Variants in NHSL1 observed in about 807,000 individuals in gnomAD.
The protein encoded by NHSL1 is NHS like 1.
NHSL1 carries 48 observed loss-of-function variants against 95.0 expected under a neutral mutation model. That is an observed-to-expected ratio of 0.51 (90% CI 0.40 to 0.64). NHSL1 has a LOEUF of 0.64. NHSL1 is among the 30% of genes least tolerant of loss of function. NHSL1 has a pLI of 0.00. For missense variants in NHSL1, 1,971 were observed against 2,077.7 expected (o/e 0.95, Z 1.00); for synonymous variants, 783 against 833.9 (o/e 0.94, Z 1.05).
intron 1 of NHSL1, among the ~76,000 whole-genome samples, chr6:138,533,656 C>T (rs1460072618): frequency 6.6e-6 from 1 of 152,086 alleles, no homozygotes; most frequent in Non-Finnish European, 1.5e-5. Flanking sequence ...GATCAATTGC[C>T]CATTCATGGG....
chr6:138,645,741 T>C (rs1416434129), intron 1 of NHSL1, among the ~76,000 whole-genome samples: 1 of 152,066 alleles, frequency 6.6e-6, no homozygotes, highest in Non-Finnish European at 1.5e-5. Context: ...TTCCTGACCT[T>C]GTGATCTACT....
At chr6:138,461,807 T>C (rs1425587828) in intron 3 of NHSL1, among the ~76,000 whole-genome samples, 1 of 152,126 alleles carries the variant, frequency 6.6e-6, no homozygotes, top group South Asian at 2.1e-4. Context: ...TTCTTCAAGA[T>C]GAAAGAAAAT....
At chr6:138,619,080 A>G (rs1057069598) in intron 1 of NHSL1, among the ~76,000 whole-genome samples, 6 of 152,176 alleles carry the variant, frequency 3.9e-5, no homozygotes, top group African/African-American at 1.4e-4. Flanking sequence ...GCTCACGCTT[A>G]TAATCCCAGC....
chr6:138,575,776 A>G (rs1265184703), upstream of NHSL1, among the ~76,000 whole-genome samples: 1 of 152,220 alleles, frequency 6.6e-6, no homozygotes, highest in African/African-American at 2.4e-5. Context: ...AAGCTACTAT[A>G]TTCACTCAAG....
At chr6:138,682,402 G>T (rs1785523841) in intron 1 of NHSL1, among the ~76,000 whole-genome samples, 1 of 152,162 alleles carries the variant, frequency 6.6e-6, no homozygotes, top group South Asian at 2.1e-4. Flanking sequence ...CATCATCCCA[G>T]AAACTTACAT....
At chr6:138,462,737 A>C (rs752566776) in intron 3 of NHSL1, among the ~76,000 whole-genome samples, 24 of 152,216 alleles carry the variant, frequency 1.6e-4, no homozygotes, top group Non-Finnish European at 3.1e-4. Flanking sequence ...TTTACAGTGA[A>C]ATATACCTTG....
chr6:138,428,493 G>A (rs1479083188), intron 7 of NHSL1, among the ~76,000 whole-genome samples: 3 of 152,186 alleles, frequency 2.0e-5, no homozygotes, highest in African/African-American at 7.2e-5. Flanking sequence ...TAATGAGACT[G>A]AAGAAACCAG....
At chr6:138,606,784 G>A (rs1784440071) in intron 1 of NHSL1, among the ~76,000 whole-genome samples, 1 of 145,966 alleles carries the variant, frequency 6.9e-6, no homozygotes, top group African/African-American at 2.5e-5. Context: ...CTCACTGCAA[G>A]CTCCGCCTCC....
chr6:138,629,857 C>T (rs1784793855), intron 1 of NHSL1, among the ~76,000 whole-genome samples: 1 of 152,130 alleles, frequency 6.6e-6, no homozygotes, highest in Non-Finnish European at 1.5e-5. Context: ...TTCTACAAAA[C>T]CAGGCTTCAT....
At chr6:138,477,914 T>C (rs1341519819) in intron 2 of NHSL1, among the ~76,000 whole-genome samples, 1 of 150,940 alleles carries the variant, frequency 6.6e-6, no homozygotes, top group East Asian at 1.9e-4. Flanking sequence ...GTTAAAAGCA[T>C]GAAAGACCAG....
intron 7 of NHSL1, among the ~76,000 whole-genome samples, chr6:138,428,595 A>C (rs893577219): frequency 3.9e-5 from 6 of 152,152 alleles, no homozygotes; most frequent in Admixed American, 2.0e-4. Flanking sequence ...ACATTAATTC[A>C]CCGGCTTCGT....
chr6:138,531,734 C>T (rs78849412), intron 1 of NHSL1, among the ~76,000 whole-genome samples: 5,287 of 152,142 alleles, frequency 0.035, 100 homozygotes, highest in Middle Eastern at 0.071. Context: ...GGCGGGTCTT[C>T]AATTCCTGAC....
chr6:138,508,681 T>C (rs1781079251), intron 1 of NHSL1, among the ~76,000 whole-genome samples: 1 of 152,232 alleles, frequency 6.6e-6, no homozygotes, highest in Non-Finnish European at 1.5e-5. Context: ...CCTCGGATGC[T>C]TGATCCTCCG....
rs562049303 is a variant in NHSL1 at position 138,556,393 on chromosome 6, T to G, written c.202+15317A>C. Among the ~76,000 whole-genome samples, 11 of 152,296 alleles carry G rather than the reference T, an allele frequency of 7.2e-5. No homozygotes were observed. The East Asian group carries it at 2.1e-3, about 29-fold the overall frequency. On this transcript the variant is annotated intron_variant, in intron 1 of 6. Transcript: ENST00000427025. Reference sequence around the variant, plus strand: ...GACAGAAGGAATAACAATGCTTCTGTCATTGTTATTGTCATTGTCATTGTA... The same window carrying G: ...GACAGAAGGAATAACAATGCTTCTGGCATTGTTATTGTCATTGTCATTGTA...
At chr6:138,554,897 C>T (rs1470489134) in intron 1 of NHSL1, among the ~76,000 whole-genome samples, 1 of 152,180 alleles carries the variant, frequency 6.6e-6, no homozygotes, top group Non-Finnish European at 1.5e-5. Context: ...AGTCGTGAGG[C>T]AGTTTGAAAC....
chr6:138,530,445 G>T (rs879110832), intron 1 of NHSL1, among the ~76,000 whole-genome samples: 1 of 152,186 alleles, frequency 6.6e-6, no homozygotes, highest in Admixed American at 6.5e-5. Context: ...CAAAGGAAAA[G>T]AGGTCATTAT....
chr6:138,551,045 T>A (rs900962896), intron 1 of NHSL1, among the ~76,000 whole-genome samples: 4 of 152,210 alleles, frequency 2.6e-5, no homozygotes, highest in African/African-American at 9.7e-5. Flanking sequence ...GAGAGAGATA[T>A]CAAGACAGAG....
At chr6:138,598,713 T>C (rs1402205292) in intron 1 of NHSL1, among the ~76,000 whole-genome samples, 1 of 151,210 alleles carries the variant, frequency 6.6e-6, no homozygotes, top group East Asian at 1.9e-4. Flanking sequence ...TTCTCCACAA[T>C]GCTCATAGAT....
intron 1 of NHSL1, among the ~76,000 whole-genome samples, chr6:138,569,983 T>C (rs1583423874): frequency 6.6e-6 from 1 of 152,250 alleles, no homozygotes; most frequent in Non-Finnish European, 1.5e-5. Flanking sequence ...GCACAATCTT[T>C]TGTATCGCTA....
Sources: allele counts gnomAD v4.1 joint callset (sites outside exome capture counted in the v4.1 genomes callset), GRCh38; gene constraint gnomAD v4.1.1; transcripts MANE v1.5; gene names NCBI Gene and HGNC (gene_info 2026-07-23, HGNC 2026-07-21).